Variants in ZSCAN5A observed in about 807,000 individuals in gnomAD.
ZSCAN5A encodes the protein zinc finger and SCAN domain containing 5A, also known as zinc finger and SCAN domain-containing protein 5A.
In ZSCAN5A, 12 loss-of-function variants were observed where a neutral mutation model predicts 23.7. The ratio of observed to expected loss-of-function variants is 0.51; its 90% CI spans 0.32 to 0.82. The LOEUF (loss-of-function observed/expected upper bound fraction) is 0.82. Among genes scored for constraint, ZSCAN5A ranks in the 40% least tolerant of loss-of-function variants. The pLI is 0.03. For missense variants in ZSCAN5A, 597 were observed against 617.9 expected, an observed-to-expected ratio of 0.97 and a Z score of 0.36; for synonymous variants, 257 against 239.9, an observed-to-expected ratio of 1.07 and a Z score of -0.66.
chr19:56,314,329 G>A (rs1338481589), intron 1 of ZSCAN5A: 1 of 152,218 alleles, frequency 6.6e-6, no homozygotes, highest in African/African-American at 2.4e-5. Context: ...CCTGGCGACA[G>A]GCGTGAAAGG....
intron 2 of ZSCAN5A, chr19:56,263,499 C>T (rs1017909328): frequency 2.0e-5 from 3 of 152,318 alleles, no homozygotes; most frequent in East Asian, 1.9e-4. Flanking sequence ...AGGAATCCTG[C>T]ATCTATGCTA....
chr19:56,242,699 G>C (rs1434379011), intron 2 of ZSCAN5A, among the ~76,000 whole-genome samples: 1 of 152,208 alleles, frequency 6.6e-6, no homozygotes. Flanking sequence ...GATAATAACT[G>C]ATGCCTGGAG....
chr19:56,221,752 C>T lies in ZSCAN5A; in HGVS notation c.1314G>A (p.Lys438=). 6.2e-7 allele frequency: 1 copy of T among 1,614,202 alleles called. No individual in the cohort carries two copies. The highest frequency in any genetic ancestry group is 8.5e-7 in the Non-Finnish European group (1 of 1,180,028). ...TCTTGCAGTCTTTACATTCGAAGGG[C>T]TTCTCCCCTGTGTGGCTTCTCTTGT... is the stretch of plus-strand genomic sequence containing the variant. ...KCHKRSHTGE[K]PFECKDCKKV... is the part of the protein sequence containing the mutation. Residue 438 remains lysine (K), a synonymous_variant, in exon 6 of 6, where the codon AAG becomes AAA. Transcript: ENST00000683990.
rs1555807454 is a variant in ZSCAN5A, at chr19:56,302,545, G to GTTCCTCCCTCCCCCCTTCCTTTTC, written c.-128+10737_-128+10738insGAAAAGGAAGGGGGGAGGGAGGAA. Among the ~76,000 whole-genome samples the GTTCCTCCCTCCCCCCTTCCTTTTC allele has an allele frequency of 2.6e-3, 57 of 21,620 alleles. 3 individuals are homozygous for GTTCCTCCCTCCCCCCTTCCTTTTC. The highest frequency in any genetic ancestry group is 6.8e-3 in the East Asian group (5 of 736). The allele number at this position is 21,620 out of a possible 152,430, so 14.2% of individuals were successfully genotyped here. A position where few individuals can be genotyped will look rare whatever the true frequency, so the allele number is the denominator to read the frequency against. ...CCCTCCCTCCCTCTTCTTCCTCCCC[G>GTTCCTCCCTCCCCCCTTCCTTTTC]TTCCTCCCTCCCTCCCCCCTTCCTT... On this transcript the variant is annotated intron_variant, in intron 2 of 5. Transcript: ENST00000683990.
chr19:56,234,689 T>A lies in ZSCAN5A; in HGVS notation c.-127-9516A>T, dbSNP rs548413932. 2.7e-5 allele frequency among the ~76,000 whole-genome samples: 4 copies of A among 149,826 alleles called. No homozygotes were observed. The Admixed American group carries it at 2.7e-4, about 10-fold the overall frequency. ...AACTCCCTGCCCTGTTCTGTTTCTCTCTGACCACCGGTGCATGCAGCCCCT... is the reference window on the plus strand; with the variant it reads ...AACTCCCTGCCCTGTTCTGTTTCTCACTGACCACCGGTGCATGCAGCCCCT... On this transcript the variant is annotated intron_variant, in intron 2 of 5. Transcript: ENST00000683990.
rs575289949 is a variant in ZSCAN5A at position 56,222,134 on chromosome 19, T to C, written c.932A>G (p.Glu311Gly). The change falls in exon 6 of 6, where the codon GAG becomes GGG. Residue 311 changes from glutamate (E) to glycine (G), a missense_variant. Glu to Gly is a moderately conservative substitution (Grantham distance 98, BLOSUM62 -2). Transcript: ENST00000683990. ...CACAGGTGTGGCTTCTCCTTGAGGC[T>C]CTTCTTGGGAAATGGAGGAGGCATC... The part of the protein sequence containing the change: ...KPDASSISQE[E>G]PQGEATPVGN... 50 of 1,614,114 alleles carry C rather than the reference T, an allele frequency of 3.1e-5. No individual in the cohort carries two copies. The Middle Eastern group carries it at 5.0e-4, about 16-fold the overall frequency.
At chr19:56,316,193 G>A (rs936274816), upstream of ZSCAN5A, 1 of 152,264 alleles carries the variant, frequency 6.6e-6, no homozygotes, top group African/African-American at 2.4e-5. Flanking sequence ...GGATGGGGAT[G>A]AACTTCCAGT....
chr19:56,349,577 C>T (rs1475580625), intron 2 of ZSCAN5A, among the ~76,000 whole-genome samples: 2 of 151,552 alleles, frequency 1.3e-5, no homozygotes, highest in East Asian at 1.9e-4. Flanking sequence ...CAGTGGTGGG[C>T]GCCTGTAGTC....
chr19:56,339,334 C>T (rs1456468391), intron 2 of ZSCAN5A, among the ~76,000 whole-genome samples: 8 of 150,250 alleles, frequency 5.3e-5, no homozygotes, highest in East Asian at 2.0e-4. Flanking sequence ...GAAGGAGCGG[C>T]TGTAGCCGCA....
intron 2 of ZSCAN5A, among the ~76,000 whole-genome samples, chr19:56,255,521 A>G (rs563647320): frequency 4.3e-4 from 65 of 151,930 alleles, no homozygotes; most frequent in Non-Finnish European, 8.4e-4. Context: ...TCCACCTGCC[A>G]TCTCACTGTT....
At chr19:56,273,325 T>C (rs77530262) in intron 2 of ZSCAN5A, among the ~76,000 whole-genome samples, 2,003 of 152,332 alleles carry the variant, frequency 0.013, 42 homozygotes, top group African/African-American at 0.045. Flanking sequence ...CTCCAGACTT[T>C]TGCGACGTAA....
At chr19:56,253,189 G>A (rs2036471220) in intron 2 of ZSCAN5A, among the ~76,000 whole-genome samples, 1 of 151,418 alleles carries the variant, frequency 6.6e-6, no homozygotes, top group Non-Finnish European at 1.5e-5. Flanking sequence ...GAGGTGGGAG[G>A]ATCACCTGAG....
intron 2 of ZSCAN5A, among the ~76,000 whole-genome samples, chr19:56,275,295 T>G (rs1267613526): frequency 6.6e-6 from 1 of 152,236 alleles, no homozygotes; most frequent in Non-Finnish European, 1.5e-5. Context: ...ATTGCTACAG[T>G]GCTTCTCCAA....
chr19:56,366,747 A>G (rs1486468757), intron 1 of ZSCAN5A, among the ~76,000 whole-genome samples: 2 of 152,196 alleles, frequency 1.3e-5, no homozygotes, highest in African/African-American at 4.8e-5. Context: ...GCAATGCCCA[A>G]TTCATGAACT....
rs2035098763 is a variant in ZSCAN5A, at chr19:56,238,004, T to TACACACATACGC, written c.-127-12832_-127-12831insGCGTATGTGTGT. On this transcript the variant is annotated intron_variant, in intron 2 of 5. Transcript: ENST00000683990. ...ACACACATACACACATACGCACACA[T>TACACACATACGC]ACACACACACGTCAAAGAAACAAAA... Among the ~76,000 whole-genome samples the TACACACATACGC allele has an allele frequency of 2.2e-3, 12 of 5,438 alleles. No individual in the cohort carries two copies. In the South Asian group the frequency reaches 0.06, roughly 27 times the overall value. The allele number at this position is 5,438 out of a possible 152,430, so 3.6% of individuals were successfully genotyped here.
At chr19:56,263,956 G>A (rs1337237182) in intron 2 of ZSCAN5A, among the ~76,000 whole-genome samples, 1 of 147,062 alleles carries the variant, frequency 6.8e-6, no homozygotes, top group Non-Finnish European at 1.5e-5. Flanking sequence ...AGAGGAAAAT[G>A]AAGCTCCAAG....
chr19:56,365,540 C>T (rs1156926043), intron 1 of ZSCAN5A, among the ~76,000 whole-genome samples: 1 of 152,204 alleles, frequency 6.6e-6, no homozygotes, highest in Non-Finnish European at 1.5e-5. Flanking sequence ...ACTGAGACTT[C>T]CAGTTTCTGG....
At chr19:56,238,432 A>G (rs906149292) in intron 2 of ZSCAN5A, among the ~76,000 whole-genome samples, 1 of 152,212 alleles carries the variant, frequency 6.6e-6, no homozygotes, top group Non-Finnish European at 1.5e-5. Context: ...ATTGGAGAGC[A>G]GCCTGGGCAA....
At chr19:56,333,931 G>C (rs1353509858) in intron 2 of ZSCAN5A, among the ~76,000 whole-genome samples, 1 of 152,090 alleles carries the variant, frequency 6.6e-6, no homozygotes, top group Non-Finnish European at 1.5e-5. Context: ...ATCTCCAGAT[G>C]AGAAGAAGCC....
Sources: gnomAD v4.1 joint callset for allele counts (sites outside exome capture counted in the v4.1 genomes callset) on GRCh38, gnomAD v4.1.1 for gene constraint, MANE v1.5 for transcripts, NCBI Gene and HGNC (gene_info 2026-07-23, HGNC 2026-07-21) for gene names.